Variants in PTPRD observed in about 807,000 individuals in gnomAD.
PTPRD encodes protein tyrosine phosphatase receptor type D.
PTPRD carries 34 observed loss-of-function variants against 214.5 expected under a neutral mutation model. That is an observed-to-expected ratio of 0.16 (90% CI 0.12 to 0.21). The LOEUF (loss-of-function observed/expected upper bound fraction) is 0.21. PTPRD is among the 10% of genes least tolerant of loss of function. The pLI is 1.00. For missense variants in PTPRD, 2,545 were observed against 2,398.7 expected (o/e 1.06, Z -1.27); for synonymous variants, 1,128 against 845.7 (o/e 1.33, Z -5.79).
chr9:8,677,784 C>G (rs531436081), intron 12 of PTPRD, among the ~76,000 whole-genome samples: 1 of 152,156 alleles, frequency 6.6e-6, no homozygotes, highest in Non-Finnish European at 1.5e-5. Context: ...ATCTGTAGTA[C>G]TCCCTAAATT....
At chr9:9,635,997 A>C (rs892673835) in intron 7 of PTPRD, among the ~76,000 whole-genome samples, 1 of 152,148 alleles carries the variant, frequency 6.6e-6, no homozygotes, top group Non-Finnish European at 1.5e-5. Flanking sequence ...AAAACTCTTC[A>C]CTGATATATG....
chr9:8,749,600 A>T (rs1381538592), intron 11 of PTPRD, among the ~76,000 whole-genome samples: 1 of 152,244 alleles, frequency 6.6e-6, no homozygotes, highest in East Asian at 1.9e-4. Context: ...AAGACATATT[A>T]TAACACATAG....
intron 10 of PTPRD, among the ~76,000 whole-genome samples, chr9:9,022,858 CA>C (rs2099574648): frequency 6.6e-6 from 1 of 152,066 alleles, no homozygotes; most frequent in Non-Finnish European, 1.5e-5. Context: ...AGATCAGCCA[CA>C]GAAACAGAGC....
At chr9:9,964,060 G>A (rs1001091700) in intron 4 of PTPRD, among the ~76,000 whole-genome samples, 2 of 126,522 alleles carry the variant, frequency 1.6e-5, no homozygotes, top group African/African-American at 6.5e-5. Context: ...GCAGAGGCAG[G>A]CAGAGACGGA....
chr9:9,891,926 A>T (rs963257233), intron 5 of PTPRD, among the ~76,000 whole-genome samples: 14 of 152,152 alleles, frequency 9.2e-5, no homozygotes, highest in Non-Finnish European at 1.6e-4. Flanking sequence ...ACTAAAAGAC[A>T]TCCCACATAT....
At chr9:10,163,849 A>C (rs1004992159) in intron 3 of PTPRD, among the ~76,000 whole-genome samples, 2 of 151,574 alleles carry the variant, frequency 1.3e-5, no homozygotes, top group Non-Finnish European at 3.0e-5. Context: ...AAAATCTATT[A>C]ACATTCTTTT....
At chr9:8,337,447 T>C (rs1247480545) in intron 43 of PTPRD, among the ~76,000 whole-genome samples, 1 of 151,294 alleles carries the variant, frequency 6.6e-6, no homozygotes, top group African/African-American at 2.5e-5. Context: ...CTGGGGCCTG[T>C]TGCGGGTTTG....
chr9:9,797,307 C>A (rs1274665604), intron 5 of PTPRD, among the ~76,000 whole-genome samples: 20 of 76,828 alleles, frequency 2.6e-4, no homozygotes, highest in South Asian at 1.6e-3. Context: ...GCATGTATTT[C>A]AAATTTTTAA....
rs549019596 is a variant in PTPRD, at chr9:8,677,102, A to T, written c.65-40258T>A. ...CTAAGATAGCCATAAAGGATGTTGC[A>T]CTTTAATAAAAAATTAAAGATCTGA... On this transcript the variant is annotated intron_variant, in intron 12 of 45. Coordinates refer to ENST00000381196, the MANE Select transcript of PTPRD (RefSeq NM_002839.4). Among the ~76,000 whole-genome samples, 21 of 152,350 alleles carry T rather than the reference A, an allele frequency of 1.4e-4. No homozygotes were observed. In the Middle Eastern group the frequency reaches 0.01, roughly 74 times the overall value.
chr9:8,736,303 C>A (rs1565672698), intron 11 of PTPRD, among the ~76,000 whole-genome samples: 1 of 152,154 alleles, frequency 6.6e-6, no homozygotes, highest in Non-Finnish European at 1.5e-5. Flanking sequence ...AGAGTACACT[C>A]TTAATGAAAA....
intron 2 of PTPRD, among the ~76,000 whole-genome samples, chr9:10,482,603 G>A (rs1245949916): frequency 6.6e-6 from 1 of 151,952 alleles, no homozygotes; most frequent in Non-Finnish European, 1.5e-5. Context: ...TTTAATAAAT[G>A]AATTCAGAAA....
chr9:9,977,013 A>G (rs2095381558), intron 4 of PTPRD, among the ~76,000 whole-genome samples: 1 of 152,200 alleles, frequency 6.6e-6, no homozygotes, highest in Non-Finnish European at 1.5e-5. Flanking sequence ...ATATATTTTA[A>G]CCACATGAAA....
intron 2 of PTPRD, among the ~76,000 whole-genome samples, chr9:10,376,917 T>C (rs1207599108): frequency 6.6e-6 from 1 of 152,006 alleles, no homozygotes; most frequent in African/African-American, 2.4e-5. Flanking sequence ...CCAATTATAG[T>C]CTTTTAGTGA....
intron 2 of PTPRD, among the ~76,000 whole-genome samples, chr9:10,414,388 A>G (rs140391672): frequency 6.6e-6 from 1 of 152,148 alleles, no homozygotes; most frequent in African/African-American, 2.4e-5. Context: ...CCACAGTGAG[A>G]TACCATCTCA....
chr9:8,405,062 C>G (rs1462298818), intron 35 of PTPRD, among the ~76,000 whole-genome samples: 1 of 152,152 alleles, frequency 6.6e-6, no homozygotes, highest in African/African-American at 2.4e-5. Context: ...TGGACCTAAG[C>G]TGAGTCTTTA....
chr9:8,919,162 G>A (rs2098807381), intron 11 of PTPRD, among the ~76,000 whole-genome samples: 1 of 152,102 alleles, frequency 6.6e-6, no homozygotes, highest in Non-Finnish European at 1.5e-5. Context: ...GGAGGCTAAG[G>A]TGGGTGGATC....
chr9:10,167,121 C>CT (rs141695954), intron 3 of PTPRD, among the ~76,000 whole-genome samples: 46,531 of 146,904 alleles, frequency 0.32, 7,221 homozygotes, highest in South Asian at 0.41. Flanking sequence ...AAAAGTAGAC[C>CT]TTTTTTTTTT....
chr9:9,346,839 C>T (rs1184182117), intron 9 of PTPRD, among the ~76,000 whole-genome samples: 2 of 151,994 alleles, frequency 1.3e-5, no homozygotes, highest in African/African-American at 4.8e-5. Context: ...ATTACAGGCG[C>T]CTGACACCAA....
intron 10 of PTPRD, among the ~76,000 whole-genome samples, chr9:9,168,086 C>T (rs2099907704): frequency 6.6e-6 from 1 of 152,154 alleles, no homozygotes; most frequent in Admixed American, 6.6e-5. Context: ...GGTCCACTGC[C>T]TCTTTTCTAA....
Sources: allele counts gnomAD v4.1 joint callset (sites outside exome capture counted in the v4.1 genomes callset), GRCh38; gene constraint gnomAD v4.1.1; transcripts MANE v1.5; gene names NCBI Gene and HGNC (gene_info 2026-07-23, HGNC 2026-07-21).